Variants in DTNA observed in about 807,000 individuals in gnomAD.
DTNA encodes the protein dystrophin-related protein 3.
DTNA carries 43 observed loss-of-function variants against 100.7 expected under a neutral mutation model. That is an observed-to-expected ratio of 0.43 (90% confidence interval 0.33 to 0.55). The LOEUF (loss-of-function observed/expected upper bound fraction) is 0.55. DTNA is among the 20% of genes least tolerant of loss of function. The pLI is 0.04. For synonymous variants in DTNA, 349 were observed against 347.9 expected, an observed-to-expected ratio of 1.00 and a Z score of -0.04; for missense variants, 798 against 953.9, an observed-to-expected ratio of 0.84 and a Z score of 2.15.
chr18:34,600,743 A>G (rs187234055), intron 1 of DTNA, among the ~76,000 whole-genome samples: 1 of 152,358 alleles, frequency 6.6e-6, no homozygotes, highest in East Asian at 1.9e-4. Flanking sequence ...TGATAAAACT[A>G]AGATGTAGAC....
In DTNA at chr18:34,715,109, A is replaced by T. The variant is rs545067672; in HGVS notation, c.-2+4664A>T. ...CATTGGGAGATATACCTAATGCTAG[A>T]TGACGAGTTAGTGGGTGCAGCACAC... On this transcript the variant is annotated intron_variant, in intron 1 of 22. Transcript: ENST00000444659. 1.4e-4 allele frequency among the ~76,000 whole-genome samples: 22 copies of T among 151,860 alleles called. No individual in the cohort carries two copies. In the South Asian group the frequency reaches 4.6e-3, roughly 32 times the overall value.
chr18:34,626,581 G>C (rs1387559951), intron 1 of DTNA, among the ~76,000 whole-genome samples: 1 of 152,202 alleles, frequency 6.6e-6, no homozygotes, highest in Non-Finnish European at 1.5e-5. Flanking sequence ...AGACGCAACA[G>C]GTTGCCAGCA....
chr18:34,705,276 G>A (rs1488808361), intron 1 of DTNA, among the ~76,000 whole-genome samples: 1 of 151,932 alleles, frequency 6.6e-6, no homozygotes, highest in Non-Finnish European at 1.5e-5. Flanking sequence ...TAGATATACT[G>A]CCGTGTGGGT....
intron 1 of DTNA, among the ~76,000 whole-genome samples, chr18:34,547,000 C>G (rs1292869514): frequency 1.3e-5 from 2 of 151,994 alleles, no homozygotes; most frequent in Admixed American, 1.3e-4. Flanking sequence ...AGCCACTACA[C>G]CCCACCCTGT....
At chr18:34,623,352 A>G (rs1361244075) in intron 1 of DTNA, among the ~76,000 whole-genome samples, 1 of 152,260 alleles carries the variant, frequency 6.6e-6, no homozygotes, top group Admixed American at 6.5e-5. Flanking sequence ...AACTTCATTC[A>G]TACTGTAGAT....
intron 3 of DTNA, among the ~76,000 whole-genome samples, chr18:34,774,524 T>C (rs2093947213): frequency 6.6e-6 from 1 of 152,262 alleles, no homozygotes; most frequent in Non-Finnish European, 1.5e-5. Flanking sequence ...CACTCATTTA[T>C]GTATTCACTC....
Position 34,888,680 on chromosome 18 carries a change from T to C in DTNA, c.*946T>C. On this transcript the variant is annotated 3_prime_UTR_variant, in exon 23 of 23. Transcript: ENST00000444659. ...AGCTGTTTATAAACCACAGGTGCCA[T>C]AAGATCCCCAAACGGACTAAAGTTA... 2 of 985,884 alleles carry C rather than the reference T, an allele frequency of 2.0e-6. No individual in the cohort carries two copies. Among genetic ancestry groups the C allele is most frequent in the Non-Finnish European group, 2.4e-6 (2 of 829,942 alleles). 61.1% of individuals were successfully genotyped at this position (985,884 alleles called of 1,614,324 possible).
intron 8 of DTNA, chr18:34,818,611 T>C (rs1280769237): frequency 1.9e-5 from 24 of 1,249,778 alleles, no homozygotes; most frequent in South Asian, 1.9e-5. Context: ...AACAACTGAA[T>C]AGCAAGGACC....
intron 1 of DTNA, among the ~76,000 whole-genome samples, chr18:34,623,144 A>G (rs1372999220): frequency 6.6e-6 from 1 of 152,214 alleles, no homozygotes; most frequent in East Asian, 1.9e-4. Flanking sequence ...TTCACATGGA[A>G]TACATTGGAG....
intron 1 of DTNA, among the ~76,000 whole-genome samples, chr18:34,595,047 C>T (rs2050311892): frequency 6.6e-6 from 1 of 151,974 alleles, no homozygotes; most frequent in Non-Finnish European, 1.5e-5. Context: ...ATAATTAACC[C>T]CTTTAGGTTG....
chr18:34,881,166 G>A (rs183984725), intron 20 of DTNA, among the ~76,000 whole-genome samples: 8 of 152,232 alleles, frequency 5.3e-5, no homozygotes, highest in Non-Finnish European at 7.4e-5. Flanking sequence ...ATAAATAAAC[G>A]CAAACAACGA....
chr18:34,659,429 C>G (rs1245829464), intron 1 of DTNA, among the ~76,000 whole-genome samples: 1 of 152,120 alleles, frequency 6.6e-6, no homozygotes, highest in Non-Finnish European at 1.5e-5. Context: ...ATTTCAACTG[C>G]TCAATAGCCA....
chr18:34,535,154 A>G (rs1253403286), intron 1 of DTNA, among the ~76,000 whole-genome samples: 2 of 151,994 alleles, frequency 1.3e-5, no homozygotes, highest in South Asian at 2.1e-4. Context: ...ACCAGCATCT[A>G]TTGTTTCCTG....
chr18:34,775,152 A>G (rs2093978864), intron 3 of DTNA, among the ~76,000 whole-genome samples: 1 of 152,240 alleles, frequency 6.6e-6, no homozygotes, highest in Admixed American at 6.5e-5. Context: ...AAATAGGGGA[A>G]TCACCTGGGT....
chr18:34,526,631 G>A (rs916693899), intron 1 of DTNA, among the ~76,000 whole-genome samples: 1 of 152,008 alleles, frequency 6.6e-6, no homozygotes, highest in African/African-American at 2.4e-5. Flanking sequence ...ATTCTAACAG[G>A]AATATGTAAA....
chr18:34,655,570 A>C (rs1318701019), intron 1 of DTNA, among the ~76,000 whole-genome samples: 2 of 152,182 alleles, frequency 1.3e-5, no homozygotes, highest in African/African-American at 2.4e-5. Context: ...CTTTCAATTT[A>C]CTCATGTGTC....
Position 34,889,374 on chromosome 18 carries a change from T to C in DTNA, c.*1640T>C, listed in dbSNP as rs76507055. 5.7e-4 allele frequency: 566 copies of C among 984,826 alleles called. 3 individuals carry two copies. In the African/African-American group the frequency reaches 9.0e-3, roughly 16 times the overall value. The allele number at this position is 984,826 out of a possible 1,614,324, so 61.0% of individuals were successfully genotyped here. A position where few individuals can be genotyped will look rare whatever the true frequency, so the allele number is the denominator to read the frequency against. On this transcript the variant is annotated 3_prime_UTR_variant, in exon 23 of 23. Coordinates refer to ENST00000444659, the MANE Select transcript of DTNA (RefSeq NM_001386795.1). ...GGTTGGGTCCAGAAGTCTGTTTTAG[T>C]CAACCCTCTAGGTGATTCTGATGCT...
At chr18:34,598,508 A>G (rs2051104027) in intron 1 of DTNA, among the ~76,000 whole-genome samples, 1 of 152,196 alleles carries the variant, frequency 6.6e-6, no homozygotes, top group Non-Finnish European at 1.5e-5. Flanking sequence ...TGCTACAAAG[A>G]AAGCAGTTGA....
At chr18:34,534,654 C>A (rs528981986) in intron 1 of DTNA, among the ~76,000 whole-genome samples, 1 of 152,042 alleles carries the variant, frequency 6.6e-6, no homozygotes, top group African/African-American at 2.4e-5. Context: ...CCCTCCAACC[C>A]CCCTACAGGC....
Sources: gnomAD v4.1 joint callset for allele counts (sites outside exome capture counted in the v4.1 genomes callset) on GRCh38, gnomAD v4.1.1 for gene constraint, MANE v1.5 for transcripts, NCBI Gene and HGNC (gene_info 2026-07-23, HGNC 2026-07-21) for gene names.